NLGN1: variants seen among roughly 807,000 people sequenced by gnomAD.
The protein encoded by NLGN1 is neuroligin 1, also known as neuroligin-1.
NLGN1 carries 12 observed loss-of-function variants against 65.5 expected under a neutral mutation model. The observed-to-expected ratio is 0.18, with a 90% CI of 0.12 to 0.30. NLGN1 has a LOEUF of 0.30. NLGN1 is among the 10% of genes least tolerant of loss of function. The pLI is 1.00. For synonymous variants in NLGN1, 350 were observed against 359.5 expected (o/e 0.97, Z 0.30); for missense variants, 750 against 1,007.1 (o/e 0.74, Z 3.46).
At chr3:173,472,324 A>G (rs776892775) in intron 2 of NLGN1, among the ~76,000 whole-genome samples, 6 of 151,940 alleles carry the variant, frequency 3.9e-5, no homozygotes, top group Non-Finnish European at 7.4e-5. Context: ...TGCCATTTCT[A>G]TTATTTTTAT....
At chr3:174,275,594 G>C (rs1750396322) in intron 5 of NLGN1, 67 bp downstream of exon 5, 1 of 900,874 alleles carries the variant, frequency 1.1e-6, no homozygotes, top group Non-Finnish European at 1.8e-6. Flanking sequence ...AGTAGTATGT[G>C]ATGCTCTGTA....
chr3:174,003,722 G>A (rs574097981), intron 4 of NLGN1, among the ~76,000 whole-genome samples: 1 of 152,138 alleles, frequency 6.6e-6, no homozygotes, highest in East Asian at 1.9e-4. Flanking sequence ...CTTGAGGAAA[G>A]GACCTTTATC....
chr3:173,684,983 C>A (rs150123898), intron 3 of NLGN1, among the ~76,000 whole-genome samples: 1 of 151,746 alleles, frequency 6.6e-6, no homozygotes, highest in African/African-American at 2.4e-5. Context: ...TATATTATTT[C>A]GTACTGATAG....
intron 4 of NLGN1, among the ~76,000 whole-genome samples, chr3:173,890,885 C>T (rs1464854296): frequency 6.6e-6 from 1 of 152,056 alleles, no homozygotes; most frequent in African/African-American, 2.4e-5. Context: ...GAATTGGTTG[C>T]ACCTGTAATG....
the NLGN1 span, among the ~76,000 whole-genome samples, chr3:174,292,324 G>T: frequency 1.8e-3 from 274 of 151,276 alleles, 7 homozygotes; most frequent in East Asian, 0.031. Flanking sequence ...AGAAATAGAG[G>T]TCTGGGGAAC....
intron 4 of NLGN1, among the ~76,000 whole-genome samples, chr3:174,041,766 G>A (rs1427201900): frequency 5.3e-5 from 8 of 152,034 alleles, no homozygotes; most frequent in South Asian, 4.1e-4. Flanking sequence ...ATTATTTTGC[G>A]AAAGGTTTGT....
chr3:173,454,589 C>T (rs1440366412), intron 2 of NLGN1, among the ~76,000 whole-genome samples: 2 of 152,202 alleles, frequency 1.3e-5, no homozygotes, highest in African/African-American at 4.8e-5. Flanking sequence ...ATCTTCTTTC[C>T]TTCAAGTGAT....
chr3:173,779,659 A>G (rs1194057390), intron 3 of NLGN1, among the ~76,000 whole-genome samples: 1 of 152,126 alleles, frequency 6.6e-6, no homozygotes, highest in African/African-American at 2.4e-5. Context: ...ACCTAGTGTT[A>G]ATATGGTTTG....
chr3:173,924,034 A>G (rs890349762), intron 4 of NLGN1, among the ~76,000 whole-genome samples: 1 of 152,174 alleles, frequency 6.6e-6, no homozygotes, highest in Non-Finnish European at 1.5e-5. Context: ...ATATTACCTT[A>G]TAGCAATACA....
chr3:173,865,827 C>T (rs183436541), intron 4 of NLGN1, among the ~76,000 whole-genome samples: 30 of 152,232 alleles, frequency 2.0e-4, no homozygotes, highest in Non-Finnish European at 3.1e-4. Flanking sequence ...GAAGAGAGAT[C>T]GCTCTTTGGG....
chr3:173,890,925 G>A lies in NLGN1; in HGVS notation c.646+83093G>A, dbSNP rs530408418. Reference sequence around the variant, plus strand: ...TTCAATTAAGTGATCTTGGAAAAAAGCTAGAAGGAAATTAAATATTGAATC... The same window carrying A: ...TTCAATTAAGTGATCTTGGAAAAAAACTAGAAGGAAATTAAATATTGAATC... On this transcript the variant is annotated intron_variant, in intron 4 of 6. Coordinates refer to ENST00000457714, the Ensembl canonical transcript of NLGN1. Among the ~76,000 whole-genome samples, 11 of 152,244 alleles carry A rather than the reference G, an allele frequency of 7.2e-5. No individual in the cohort carries two copies. In the East Asian group the frequency reaches 1.4e-3, roughly 19 times the overall value.
intron 3 of NLGN1, among the ~76,000 whole-genome samples, chr3:173,621,358 G>A (rs1753953827): frequency 1.3e-5 from 2 of 152,098 alleles, no homozygotes; most frequent in South Asian, 4.1e-4. Flanking sequence ...AAGGGGAAAG[G>A]CATTACAGTT....
chr3:173,489,498 G>T (rs1335246965), intron 2 of NLGN1, among the ~76,000 whole-genome samples: 6 of 152,094 alleles, frequency 3.9e-5, no homozygotes, highest in African/African-American at 1.4e-4. Flanking sequence ...TGAACATTTG[G>T]GTTGGTTCCA....
chr3:174,206,634 G>A (rs764616613), intron 4 of NLGN1, among the ~76,000 whole-genome samples: 6 of 152,066 alleles, frequency 3.9e-5, no homozygotes, highest in Non-Finnish European at 5.9e-5. Flanking sequence ...AGTCTCCCTC[G>A]GCTTGCTTTT....
At chr3:173,529,521 G>A (rs763053793) in intron 2 of NLGN1, among the ~76,000 whole-genome samples, 6 of 152,208 alleles carry the variant, frequency 3.9e-5, no homozygotes, top group Non-Finnish European at 8.8e-5. Flanking sequence ...TGGGGTTGAA[G>A]AGGCTGCACC....
intron 3 of NLGN1, among the ~76,000 whole-genome samples, chr3:173,654,369 G>A (rs144553648): frequency 1.1e-3 from 173 of 152,056 alleles, no homozygotes; most frequent in Non-Finnish European, 1.4e-3. Context: ...ATCCTGAATA[G>A]CATAACATTA....
chr3:174,227,992 G>T (rs1438477552), intron 4 of NLGN1, among the ~76,000 whole-genome samples: 1 of 151,804 alleles, frequency 6.6e-6, no homozygotes, highest in Non-Finnish European at 1.5e-5. Flanking sequence ...ATATATAGTT[G>T]TACATATTCT....
chr3:174,129,090 C>G (rs751350965), intron 4 of NLGN1, among the ~76,000 whole-genome samples: 1 of 151,938 alleles, frequency 6.6e-6, no homozygotes, highest in Non-Finnish European at 1.5e-5. Flanking sequence ...GAGATAAGAG[C>G]CCTAACACAA....
At chr3:173,433,065 C>T (rs1022261733) in intron 1 of NLGN1, among the ~76,000 whole-genome samples, 1 of 152,020 alleles carries the variant, frequency 6.6e-6, no homozygotes, top group Non-Finnish European at 1.5e-5. Flanking sequence ...GAGTTTTCTC[C>T]CTTTTCATAT....
Sources: allele counts gnomAD v4.1 joint callset (sites outside exome capture counted in the v4.1 genomes callset), GRCh38; gene constraint gnomAD v4.1.1; transcripts MANE v1.5; gene names NCBI Gene and HGNC (gene_info 2026-07-23, HGNC 2026-07-21).